The following DLG2 variants were observed in gnomAD, a reference collection of about 807,000 sequenced individuals.
The protein encoded by DLG2 is disks large homolog 2.
In DLG2, 45 loss-of-function variants were observed where a neutral mutation model predicts 132.5. That is an observed-to-expected ratio of 0.34 (90% CI 0.27 to 0.44). DLG2 has a LOEUF of 0.44. DLG2 is among the 20% of genes least tolerant of loss of function. DLG2 has a pLI of 1.00. For synonymous variants in DLG2, 424 were observed against 419.6 expected, an observed-to-expected ratio of 1.01 and a Z score of -0.13; for missense variants, 1,045 against 1,196.9, an observed-to-expected ratio of 0.87 and a Z score of 1.87.
intron 14 of DLG2, among the ~76,000 whole-genome samples, chr11:83,960,592 G>C (rs898717174): frequency 6.6e-6 from 1 of 151,368 alleles, no homozygotes; most frequent in Non-Finnish European, 1.5e-5. Context: ...AGGGGGTTCT[G>C]CATAAATTAG....
At chr11:84,552,355 T>G (rs953091968) in intron 6 of DLG2, among the ~76,000 whole-genome samples, 18 of 152,148 alleles carry the variant, frequency 1.2e-4, no homozygotes, top group Non-Finnish European at 2.5e-4. Context: ...CCCCAAAATC[T>G]AGAATTTCAC....
chr11:84,505,923 C>T (rs895595547), intron 7 of DLG2, among the ~76,000 whole-genome samples: 1 of 151,960 alleles, frequency 6.6e-6, no homozygotes, highest in Non-Finnish European at 1.5e-5. Flanking sequence ...CTAAAAATGT[C>T]CACATTCCTG....
chr11:84,817,179 C>G (rs1417444137), intron 6 of DLG2, among the ~76,000 whole-genome samples: 1 of 151,990 alleles, frequency 6.6e-6, no homozygotes, highest in East Asian at 1.9e-4. Flanking sequence ...TGATTGGTGC[C>G]TAATTTGATG....
intron 4 of DLG2, among the ~76,000 whole-genome samples, chr11:85,170,126 A>G (rs946847165): frequency 3.9e-5 from 6 of 152,208 alleles, no homozygotes. Flanking sequence ...CCAAAGACCC[A>G]AGGAAAACTG....
At chr11:85,204,432 C>T (rs914665047) in intron 4 of DLG2, among the ~76,000 whole-genome samples, 7 of 151,988 alleles carry the variant, frequency 4.6e-5, no homozygotes, top group East Asian at 1.9e-4. Context: ...ATCCCATTAA[C>T]AATAGTTACC....
intron 3 of DLG2, among the ~76,000 whole-genome samples, chr11:85,408,023 C>T (rs952741124): frequency 3.3e-5 from 5 of 151,570 alleles, no homozygotes; most frequent in Non-Finnish European, 7.4e-5. Context: ...AAAAAAAAGA[C>T]TGACAGTCTA....
chr11:84,637,602 G>A (rs917005348), intron 6 of DLG2, among the ~76,000 whole-genome samples: 1 of 152,212 alleles, frequency 6.6e-6, no homozygotes. Flanking sequence ...AGACAAGAGA[G>A]GGAGAAAGAT....
intron 6 of DLG2, among the ~76,000 whole-genome samples, chr11:84,970,078 G>A (rs1566539451): frequency 6.6e-6 from 1 of 151,976 alleles, no homozygotes; most frequent in Non-Finnish European, 1.5e-5. Context: ...ATGATAGCTT[G>A]ATGGGTGCAG....
intron 6 of DLG2, among the ~76,000 whole-genome samples, chr11:84,859,572 T>A (rs1289396354): frequency 6.6e-6 from 1 of 150,882 alleles, no homozygotes; most frequent in Non-Finnish European, 1.5e-5. Context: ...TGTTAGAAGA[T>A]CAAAGGAAAG....
At chr11:85,471,254 T>C (rs1401458095) in intron 3 of DLG2, among the ~76,000 whole-genome samples, 1 of 152,230 alleles carries the variant, frequency 6.6e-6, no homozygotes, top group Non-Finnish European at 1.5e-5. Flanking sequence ...CTTTGATCTC[T>C]GCTTCAGAAA....
chr11:83,770,265 G>GTTTTTTTTTT (rs71066064), intron 18 of DLG2, among the ~76,000 whole-genome samples: 1,797 of 128,572 alleles, frequency 0.014, 90 homozygotes, highest in African/African-American at 0.056. Flanking sequence ...GTTTTTTTTT[G>GTTTTTTTTTT]TTTTTTTGCT....
chr11:85,415,752 C>A (rs1055995763), intron 3 of DLG2, among the ~76,000 whole-genome samples: 80 of 151,924 alleles, frequency 5.3e-4, no homozygotes, highest in African/African-American at 1.8e-3. Flanking sequence ...TGGATATTAG[C>A]CCTTTGTCAG....
At chr11:85,602,932 C>T (rs966578592) in intron 2 of DLG2, among the ~76,000 whole-genome samples, 1 of 152,118 alleles carries the variant, frequency 6.6e-6, no homozygotes, top group East Asian at 1.9e-4. Context: ...AAGGCCTTCC[C>T]TAATACTCCT....
chr11:83,833,546 G>T, intron 17 of DLG2, 68 bp downstream of exon 17: 1 of 1,468,102 alleles, frequency 6.8e-7, no homozygotes, highest in Non-Finnish European at 9.2e-7. Context: ...TATCATAATT[G>T]AAAGTTATGA....
intron 14 of DLG2, among the ~76,000 whole-genome samples, chr11:83,943,956 A>G (rs959672155): frequency 3.9e-5 from 6 of 152,228 alleles, no homozygotes; most frequent in African/African-American, 1.4e-4. Context: ...CTACAGGATT[A>G]AATGAGATAA....
intron 3 of DLG2, among the ~76,000 whole-genome samples, chr11:85,478,763 G>A (rs931938519): frequency 6.6e-6 from 1 of 152,152 alleles, no homozygotes; most frequent in African/African-American, 2.4e-5. Context: ...ATCTCCTGTA[G>A]CATTCTATAT....
chr11:84,807,618 C>G (rs1297788857), intron 6 of DLG2, among the ~76,000 whole-genome samples: 1 of 152,046 alleles, frequency 6.6e-6, no homozygotes, highest in African/African-American at 2.4e-5. Context: ...AAGAAATTCA[C>G]TTTCAAATGT....
intron 18 of DLG2, among the ~76,000 whole-genome samples, chr11:83,740,481 G>C (rs1303277083): frequency 6.6e-6 from 1 of 152,120 alleles, no homozygotes; most frequent in Non-Finnish European, 1.5e-5. Flanking sequence ...TAGGAGTTAG[G>C]ATAGCAGTTA....
At chr11:83,702,986 C>A (rs2083231945) in intron 18 of DLG2, among the ~76,000 whole-genome samples, 1 of 152,334 alleles carries the variant, frequency 6.6e-6, no homozygotes, top group Non-Finnish European at 1.5e-5. Context: ...AATGACGCAT[C>A]AATCCAGTCC....
Sources: allele counts gnomAD v4.1 joint callset (sites outside exome capture counted in the v4.1 genomes callset), GRCh38; gene constraint gnomAD v4.1.1; transcripts MANE v1.5; gene names NCBI Gene and HGNC (gene_info 2026-07-23, HGNC 2026-07-21).